The following CTIF variants were observed in gnomAD, a reference collection of about 807,000 sequenced individuals.
CTIF encodes CBP80/20-dependent translation initiation factor.
In CTIF, 21 loss-of-function variants were observed where a neutral mutation model predicts 66.0. That is an observed-to-expected ratio of 0.32 (90% CI 0.23 to 0.46). The LOEUF is 0.46. Among genes scored for constraint, CTIF ranks in the 20% least tolerant of loss-of-function variants. The pLI, the probability that CTIF is intolerant of heterozygous loss-of-function variation, is 1.00. For synonymous variants in CTIF, 345 were observed against 326.4 expected, an observed-to-expected ratio of 1.06 and a Z score of -0.62; for missense variants, 739 against 812.7, an observed-to-expected ratio of 0.91 and a Z score of 1.10.
At chr18:48,819,918 G>A (rs1014248287) in intron 10 of CTIF, among the ~76,000 whole-genome samples, 1 of 152,224 alleles carries the variant, frequency 6.6e-6, no homozygotes, top group Non-Finnish European at 1.5e-5. Flanking sequence ...AAGGTGCAGG[G>A]AGGGTGGCAA....
chr18:48,592,606 C>T (rs1469282291), intron 1 of CTIF, among the ~76,000 whole-genome samples: 2 of 152,098 alleles, frequency 1.3e-5, no homozygotes, highest in Non-Finnish European at 1.5e-5. Flanking sequence ...AGAAGCTGTG[C>T]GTGGGCAACC....
chr18:48,708,225 CCA>C (rs2092182891), intron 6 of CTIF, among the ~76,000 whole-genome samples: 20 of 152,232 alleles, frequency 1.3e-4, no homozygotes, highest in Admixed American at 1.1e-3. Flanking sequence ...AGAAGCTCTG[CCA>C]ACCTGCATGA....
chr18:48,708,713 A>G (rs1399221909), intron 6 of CTIF, among the ~76,000 whole-genome samples: 2 of 152,114 alleles, frequency 1.3e-5, no homozygotes, highest in Non-Finnish European at 2.9e-5. Context: ...TCGCCTCACT[A>G]TAGTCTTCCA....
chr18:48,795,774 G>C (rs1215567262), intron 9 of CTIF, among the ~76,000 whole-genome samples: 1 of 152,162 alleles, frequency 6.6e-6, no homozygotes, highest in East Asian at 1.9e-4. Flanking sequence ...GACTATTAGG[G>C]GAGGCCATCT....
intron 6 of CTIF, among the ~76,000 whole-genome samples, chr18:48,704,496 C>G (rs1441454078): frequency 6.6e-6 from 1 of 152,166 alleles, no homozygotes; most frequent in Non-Finnish European, 1.5e-5. Context: ...AACAAAGGAC[C>G]GCAAACTGGG....
At chr18:48,662,264 AGCACCCAGG>A (rs1454375397) in intron 3 of CTIF, 1 of 152,494 alleles carries the variant, frequency 6.6e-6, no homozygotes, top group Non-Finnish European at 1.5e-5. Context: ...CATGGGGAGA[AGCACCCAGG>A]GCCATGGCGG....
intron 6 of CTIF, among the ~76,000 whole-genome samples, chr18:48,688,642 C>T (rs1568137093): frequency 6.6e-6 from 1 of 152,238 alleles, no homozygotes; most frequent in Non-Finnish European, 1.5e-5. Context: ...AGAGGCCACA[C>T]AGCTCACTCA....
intron 10 of CTIF, among the ~76,000 whole-genome samples, chr18:48,838,230 G>T (rs151208303): frequency 6.6e-6 from 1 of 152,072 alleles, no homozygotes; most frequent in African/African-American, 2.4e-5. Context: ...CCAACACCCC[G>T]GCACATCAAC....
chr18:48,858,153 C>T (rs568114739), intron 11 of CTIF, among the ~76,000 whole-genome samples: 10 of 152,398 alleles, frequency 6.6e-5, no homozygotes, highest in Admixed American at 6.5e-4. Flanking sequence ...GGGCAGATCT[C>T]TGCCCTCTGC....
chr18:48,668,298 G>A (rs1370070309), intron 5 of CTIF, among the ~76,000 whole-genome samples: 3 of 152,206 alleles, frequency 2.0e-5, no homozygotes, highest in Non-Finnish European at 4.4e-5. Flanking sequence ...GGAGACACTG[G>A]GGAGGTGGTA....
At chr18:48,817,568 G>A (rs1381825868) in intron 10 of CTIF, among the ~76,000 whole-genome samples, 192 bp downstream of exon 10, 1 of 152,240 alleles carries the variant, frequency 6.6e-6, no homozygotes, top group Non-Finnish European at 1.5e-5. Context: ...CTGAGGTAAG[G>A]AGATCGAGAC....
chr18:48,855,963 G>A (rs775435387), intron 10 of CTIF, among the ~76,000 whole-genome samples: 3 of 152,202 alleles, frequency 2.0e-5, no homozygotes, highest in Non-Finnish European at 4.4e-5. Flanking sequence ...TCGTGCAGAC[G>A]AGCTAGATGT....
At chr18:48,585,005 G>T (rs1235456730) in intron 1 of CTIF, among the ~76,000 whole-genome samples, 1 of 152,346 alleles carries the variant, frequency 6.6e-6, no homozygotes, top group East Asian at 1.9e-4. Flanking sequence ...AAGGACAGAG[G>T]CACCTATTGG....
intron 7 of CTIF, among the ~76,000 whole-genome samples, chr18:48,747,353 A>C (rs1041336452): frequency 1.3e-5 from 2 of 152,180 alleles, no homozygotes; most frequent in African/African-American, 2.4e-5. Flanking sequence ...TGGCTAAGAA[A>C]CTTGGGAAAC....
intron 1 of CTIF, among the ~76,000 whole-genome samples, chr18:48,590,541 C>T (rs2089866607): frequency 6.6e-6 from 1 of 152,192 alleles, no homozygotes. Context: ...GGTGACTTGC[C>T]CAAGGTCACA....
At chr18:48,804,267 G>C (rs2068100257) in intron 9 of CTIF, among the ~76,000 whole-genome samples, 1 of 152,252 alleles carries the variant, frequency 6.6e-6, no homozygotes, top group Admixed American at 6.5e-5. Context: ...CTGCAGCCCA[G>C]TGCCCACATG....
Position 48,689,871 on chromosome 18 carries a change from G to A in CTIF, c.507+19127G>A, listed in dbSNP as rs145903830. Among the ~76,000 whole-genome samples the A allele has an allele frequency of 2.6e-3, 395 of 152,292 alleles. 1 individual carries two copies. The highest frequency in any genetic ancestry group is 5.0e-3 in the Non-Finnish European group (338 of 68,022). On this transcript the variant is annotated intron_variant, in intron 6 of 11. Transcript: ENST00000256413. ...GCATGAGGCACTTGTAAAGCTCCCCGAGTGAATCTGGCTTGCAGTCATGGC... is the reference window on the plus strand; with the variant it reads ...GCATGAGGCACTTGTAAAGCTCCCCAAGTGAATCTGGCTTGCAGTCATGGC...
chr18:48,604,546 T>C (rs1393708729), intron 1 of CTIF, among the ~76,000 whole-genome samples: 2 of 152,198 alleles, frequency 1.3e-5, no homozygotes, highest in African/African-American at 4.8e-5. Flanking sequence ...TATGGTTTTT[T>C]TGGAGAGGCC....
At chr18:48,650,936 G>A (rs549976170) in intron 3 of CTIF, among the ~76,000 whole-genome samples, 139 of 152,184 alleles carry the variant, frequency 9.1e-4, no homozygotes, top group African/African-American at 3.3e-3. Context: ...TCACAGACAA[G>A]CAAATGCTGA....
Sources: gnomAD v4.1 joint callset for allele counts (sites outside exome capture counted in the v4.1 genomes callset) on GRCh38, gnomAD v4.1.1 for gene constraint, MANE v1.5 for transcripts, NCBI Gene and HGNC (gene_info 2026-07-23, HGNC 2026-07-21) for gene names.